RAD51B: variants seen among roughly 807,000 people sequenced by gnomAD.
The protein encoded by RAD51B is RAD51 paralog B.
RAD51B carries 38 observed loss-of-function variants against 42.2 expected under a neutral mutation model. The ratio of observed to expected loss-of-function variants is 0.90; its 90% CI spans 0.70 to 1.18. The LOEUF (loss-of-function observed/expected upper bound fraction) is 1.18. Among genes scored for constraint, RAD51B ranks in the 50% most tolerant of loss-of-function variants. The pLI, the probability that RAD51B is intolerant of heterozygous loss-of-function variation, is 0.00. For missense variants in RAD51B, 373 were observed against 400.7 expected (o/e 0.93, Z 0.59); for synonymous variants, 154 against 145.2 (o/e 1.06, Z -0.43).
At chr14:68,621,823 T>A (rs1891956002) in intron 10 of RAD51B, among the ~76,000 whole-genome samples, 1 of 152,200 alleles carries the variant, frequency 6.6e-6, no homozygotes, top group Non-Finnish European at 1.5e-5. Flanking sequence ...GCCCAGCTGA[T>A]CTCCTCAGTG....
intron 7 of RAD51B, among the ~76,000 whole-genome samples, chr14:68,246,255 A>G (rs2080496656): frequency 6.6e-6 from 1 of 151,898 alleles, no homozygotes; most frequent in African/African-American, 2.4e-5. Context: ...GATGAGAACC[A>G]TGATTAGATC....
At chr14:68,540,316 T>G in intron 10 of RAD51B, 1 of 1,046,682 alleles carries the variant, frequency 9.6e-7, no homozygotes, top group Non-Finnish European at 1.2e-6. Flanking sequence ...ACAACACTGT[T>G]GGATCATCAG....
At chr14:68,282,895 G>T (rs947263983) in intron 7 of RAD51B, among the ~76,000 whole-genome samples, 1 of 152,164 alleles carries the variant, frequency 6.6e-6, no homozygotes, top group African/African-American at 2.4e-5. Context: ...CAGAGGCTGG[G>T]GGGGACCCGA....
intron 7 of RAD51B, among the ~76,000 whole-genome samples, chr14:68,189,054 A>G (rs1235896721): frequency 6.6e-6 from 1 of 151,948 alleles, no homozygotes; most frequent in East Asian, 1.9e-4. Flanking sequence ...AACTTACCTT[A>G]CCAGTCCTAA....
chr14:68,560,263 G>C (rs895264668), intron 10 of RAD51B, among the ~76,000 whole-genome samples: 1 of 152,140 alleles, frequency 6.6e-6, no homozygotes, highest in Non-Finnish European at 1.5e-5. Context: ...AGCTGTTGGA[G>C]AGGCGGAAAA....
chr14:68,076,073 G>T (rs1037425534), intron 7 of RAD51B, among the ~76,000 whole-genome samples: 1 of 152,196 alleles, frequency 6.6e-6, no homozygotes, highest in Non-Finnish European at 1.5e-5. Context: ...ATTTCATGGG[G>T]AAATCATGGC....
intron 7 of RAD51B, among the ~76,000 whole-genome samples, chr14:68,179,823 A>G (rs145098087): frequency 8.5e-4 from 130 of 152,336 alleles, no homozygotes; most frequent in Admixed American, 3.1e-3. Flanking sequence ...CAGATGTTAC[A>G]TCTTTCAGGG....
At chr14:68,626,074 C>T (rs111768429) in intron 10 of RAD51B, among the ~76,000 whole-genome samples, 2 of 152,204 alleles carry the variant, frequency 1.3e-5, no homozygotes, top group South Asian at 4.1e-4. Flanking sequence ...CGTATTTATC[C>T]ACTGGAACAG....
At chr14:68,315,015 GT>G (rs1175531306) in intron 8 of RAD51B, among the ~76,000 whole-genome samples, 1 of 152,130 alleles carries the variant, frequency 6.6e-6, no homozygotes, top group Admixed American at 6.5e-5. Context: ...ACTCCCTTTA[GT>G]TTTCAAAGTT....
At chr14:68,093,468 A>T (rs1227196513) in intron 7 of RAD51B, among the ~76,000 whole-genome samples, 1 of 151,898 alleles carries the variant, frequency 6.6e-6, no homozygotes, top group East Asian at 1.9e-4. Context: ...TTTCTTCTAG[A>T]TTTTCTAGTT....
chr14:68,169,011 A>G (rs1419457813), intron 7 of RAD51B, among the ~76,000 whole-genome samples: 1 of 152,180 alleles, frequency 6.6e-6, no homozygotes, highest in African/African-American at 2.4e-5. Flanking sequence ...AGAGCAGTTT[A>G]TTCCTGGCTC....
At chr14:68,244,701 T>A (rs2080459792) in intron 7 of RAD51B, among the ~76,000 whole-genome samples, 1 of 152,182 alleles carries the variant, frequency 6.6e-6, no homozygotes, top group Non-Finnish European at 1.5e-5. Context: ...AAACAAAAGA[T>A]GGAAAAGTTG....
intron 7 of RAD51B, among the ~76,000 whole-genome samples, chr14:68,189,091 A>G (rs890583726): frequency 4.0e-5 from 6 of 151,886 alleles, no homozygotes; most frequent in African/African-American, 1.4e-4. Context: ...TTATTGTGTA[A>G]TTTATTGCTG....
At chr14:67,926,287 T>C (rs2044503890) in intron 7 of RAD51B, among the ~76,000 whole-genome samples, 1 of 152,120 alleles carries the variant, frequency 6.6e-6, no homozygotes, top group South Asian at 2.1e-4. Flanking sequence ...TGCTTAGAAA[T>C]TTTTTACACC....
chr14:68,531,873 T>C (rs2525517), intron 10 of RAD51B, among the ~76,000 whole-genome samples: 140,367 of 152,180 alleles, frequency 0.92, 65,578 homozygotes, highest in Non-Finnish European at 0.99. Flanking sequence ...GTGGTGACTA[T>C]TCTGGAGGCT....
downstream of RAD51B, chr14:68,478,241 T>C (rs369751387): frequency 6.4e-6 from 6 of 935,834 alleles, no homozygotes; most frequent in African/African-American, 8.8e-5. Context: ...CAGAATTCAC[T>C]GACAGGTTCA....
At chr14:68,561,861 T>C in intron 10 of RAD51B, 2 of 739,866 alleles carry the variant, frequency 2.7e-6, no homozygotes, top group Non-Finnish European at 3.3e-6. Flanking sequence ...GTCTCTGTAG[T>C]TTCCTCTGCT....
At chr14:68,308,897 A>G (rs892322240) in intron 8 of RAD51B, among the ~76,000 whole-genome samples, 1 of 152,136 alleles carries the variant, frequency 6.6e-6, no homozygotes, top group African/African-American at 2.4e-5. Flanking sequence ...TTGAAACCAA[A>G]TGTACTTTCT....
intron 4 of RAD51B, among the ~76,000 whole-genome samples, chr14:67,859,826 A>G (rs948030602): frequency 2.0e-5 from 3 of 152,028 alleles, no homozygotes; most frequent in African/African-American, 7.3e-5. Context: ...AAGTTAAATG[A>G]ATTTTTTTTT....
Sources: gnomAD v4.1 joint callset for allele counts (sites outside exome capture counted in the v4.1 genomes callset) on GRCh38, gnomAD v4.1.1 for gene constraint, MANE v1.5 for transcripts, NCBI Gene and HGNC (gene_info 2026-07-23, HGNC 2026-07-21) for gene names.